Variants in NCAM1 observed in about 807,000 individuals in gnomAD.
The protein encoded by NCAM1 is neural cell adhesion molecule 1, also known as antigen recognized by monoclonal antibody 5.1H11.
A neutral mutation model predicts 109.8 loss-of-function variants in NCAM1; 14 were observed. The ratio of observed to expected loss-of-function variants is 0.13; its 90% CI spans 0.08 to 0.20. The LOEUF is 0.20. NCAM1 is among the 10% of genes least tolerant of loss of function. The pLI is 1.00. For synonymous variants in NCAM1, 418 were observed against 442.9 expected (o/e 0.94, Z 0.70); for missense variants, 774 against 1,109.9 (o/e 0.70, Z 4.30).
At position 113,233,170 on chromosome 11, in the gene NCAM1, G is replaced by A. The variant is rs1027853289; in HGVS notation, c.1546G>A (p.Asp516Asn). Residue 516 changes from aspartate (D) to asparagine (N), a missense_variant, in exon 13 of 20, where the codon GAC (aspartate) becomes AAC (asparagine). Transcript: ENST00000316851. This position sits in a 1 kb window ranked among gnomAD's most constrained non-coding sequence, Gnocchi z 4.5. ...AGACACCCCCTCTTCACCATCCATC[G>A]ACCAGGTGGAGCCATACTCCAGCAC... ...QADTPSSPSI[D>N]QVEPYSSTAQ... The A allele has an allele frequency of 2.4e-5, 38 of 1,613,306 alleles. No homozygotes were observed. The highest frequency in any genetic ancestry group is 1.3e-4 in the Admixed American group (8 of 59,986).
intron 1 of NCAM1, among the ~76,000 whole-genome samples, chr11:113,192,249 C>G (rs1194231136): frequency 6.6e-6 from 1 of 150,658 alleles, no homozygotes; most frequent in African/African-American, 2.4e-5. Context: ...CAGCCATTTA[C>G]TAAGAAGGCC....
chr11:113,252,128 C>T lies in NCAM1; in HGVS notation c.1829-3749C>T, dbSNP rs75379105. Among the ~76,000 whole-genome samples, 216 of 152,242 alleles carry T rather than the reference C, an allele frequency of 1.4e-3. 1 individual carries two copies. The highest frequency in any genetic ancestry group is 9.3e-3 in the South Asian group (45 of 4,824). ...TATGAGCTTCCTGTAGAAATACTGT[C>T]ATAGGCTGGGTGCAGGGGCTCACAC... On this transcript the variant is annotated intron_variant, in intron 15 of 19. Coordinates refer to ENST00000316851, the MANE Select transcript of NCAM1 (RefSeq NM_181351.5).
At chr11:112,984,464 C>G (rs898824752) in intron 1 of NCAM1, among the ~76,000 whole-genome samples, 1 of 151,760 alleles carries the variant, frequency 6.6e-6, no homozygotes, top group Non-Finnish European at 1.5e-5. Flanking sequence ...TCTCTAGGAA[C>G]CCCCATTCTG....
chr11:113,152,359 T>G (rs1555102595), intron 1 of NCAM1, among the ~76,000 whole-genome samples: 2 of 152,256 alleles, frequency 1.3e-5, no homozygotes, highest in African/African-American at 4.8e-5. Flanking sequence ...TTCCATTTCT[T>G]TTAACAAGTG....
At chr11:113,122,699 G>A (rs1941018493) in intron 1 of NCAM1, among the ~76,000 whole-genome samples, 1 of 152,248 alleles carries the variant, frequency 6.6e-6, no homozygotes, top group South Asian at 2.1e-4. Context: ...CAAGGGAATT[G>A]CTTGGACCCA....
At chr11:113,259,242 G>T (rs1388739985) in intron 16 of NCAM1, among the ~76,000 whole-genome samples, 5 of 151,546 alleles carry the variant, frequency 3.3e-5, no homozygotes, top group Non-Finnish European at 5.9e-5. Flanking sequence ...TAGTAGAGAC[G>T]GGGTTTCACC....
In NCAM1 at chr11:113,193,412, G is replaced by A. The variant is rs188759187; in HGVS notation, c.53-8967G>A. ...GGAGAGCCCAGCACTTCGAGAGGCC[G>A]AGGCGGTTGGATCATCTGAGGTCAG... On this transcript the variant is annotated intron_variant, in intron 1 of 19. Transcript: ENST00000316851. Among the ~76,000 whole-genome samples the A allele has an allele frequency of 2.2e-3, 331 of 152,314 alleles. 2 individuals are homozygous for A. The highest frequency in any genetic ancestry group is 6.6e-3 in the South Asian group (32 of 4,814).
intron 1 of NCAM1, among the ~76,000 whole-genome samples, chr11:113,154,895 A>T (rs1421114682): frequency 6.6e-6 from 1 of 152,102 alleles, no homozygotes; most frequent in Non-Finnish European, 1.5e-5. Flanking sequence ...GAGATATAAC[A>T]TATATCATAT....
intron 1 of NCAM1, among the ~76,000 whole-genome samples, chr11:113,034,496 G>T (rs1270584699): frequency 6.6e-6 from 1 of 152,130 alleles, no homozygotes; most frequent in Non-Finnish European, 1.5e-5. Context: ...AGAAGGAAGA[G>T]AATTCATCTG....
At chr11:113,013,831 A>G (rs1344549057) in intron 1 of NCAM1, among the ~76,000 whole-genome samples, 1 of 152,252 alleles carries the variant, frequency 6.6e-6, no homozygotes, top group African/African-American at 2.4e-5. Context: ...CTTTATCTAT[A>G]TTTATAAAAA....
chr11:112,992,317 C>A (rs1951479732), intron 1 of NCAM1, among the ~76,000 whole-genome samples: 1 of 152,034 alleles, frequency 6.6e-6, no homozygotes, highest in Non-Finnish European at 1.5e-5. Context: ...ACTTTTACAT[C>A]TTGTAGTTGT....
chr11:113,167,905 G>A (rs1555105539), intron 1 of NCAM1, among the ~76,000 whole-genome samples: 2 of 152,068 alleles, frequency 1.3e-5, no homozygotes, highest in Non-Finnish European at 2.9e-5. Context: ...GTTTTTGTCC[G>A]ACAGCTTGGT....
intron 8 of NCAM1, among the ~76,000 whole-genome samples, chr11:113,217,942 C>T (rs1944577765): frequency 6.6e-6 from 1 of 152,174 alleles, no homozygotes; most frequent in Non-Finnish European, 1.5e-5. Context: ...ATGACACATA[C>T]AAACACCCTG....
chr11:113,270,999 GGGACTGAGCAA>G (rs138121406), intron 18 of NCAM1, among the ~76,000 whole-genome samples: 2,646 of 152,260 alleles, frequency 0.017, 56 homozygotes, highest in African/African-American at 0.051. Flanking sequence ...AAGCCAGAAA[GGGACTGAGCAA>G]GGAAATAAGT....
chr11:113,234,111 C>T (rs1434890928), intron 13 of NCAM1, among the ~76,000 whole-genome samples: 2 of 151,756 alleles, frequency 1.3e-5, no homozygotes, highest in African/African-American at 2.4e-5. Flanking sequence ...TTCAGCTTCT[C>T]GGGGGAGCCA....
intron 1 of NCAM1, among the ~76,000 whole-genome samples, chr11:112,987,598 G>T (rs1395230208): frequency 6.6e-6 from 1 of 151,986 alleles, no homozygotes; most frequent in Non-Finnish European, 1.5e-5. Flanking sequence ...ATTTACAGTT[G>T]TTATATTCTC....
intron 14 of NCAM1, among the ~76,000 whole-genome samples, chr11:113,236,128 T>G (rs1945160702): frequency 6.6e-6 from 1 of 152,248 alleles, no homozygotes; most frequent in Non-Finnish European, 1.5e-5. Context: ...CTGTCTCATC[T>G]TCCTTCTACA....
chr11:113,030,665 A>G (rs1346916719), intron 1 of NCAM1, among the ~76,000 whole-genome samples: 1 of 152,330 alleles, frequency 6.6e-6, no homozygotes, highest in South Asian at 2.1e-4. Flanking sequence ...TGCTTTCCAG[A>G]TCTTGTTAAG....
chr11:113,038,192 T>C (rs777519713), intron 1 of NCAM1, among the ~76,000 whole-genome samples: 13 of 152,200 alleles, frequency 8.5e-5, no homozygotes, highest in Non-Finnish European at 8.8e-5. Flanking sequence ...TTCTAACATG[T>C]TGTTCGAATT....
Sources: gnomAD v4.1 joint callset for allele counts (sites outside exome capture counted in the v4.1 genomes callset) on GRCh38, gnomAD v4.1.1 for gene constraint, Gnocchi (gnomAD v3.1) non-coding constraint, MANE v1.5 for transcripts, NCBI Gene and HGNC (gene_info 2026-07-23, HGNC 2026-07-21) for gene names.